Variants in IMMP2L observed in about 807,000 individuals in gnomAD.
IMMP2L encodes the protein inner mitochondrial membrane peptidase subunit 2, also known as mitochondrial inner membrane protease subunit 2.
In IMMP2L, 18 loss-of-function variants were observed where a neutral mutation model predicts 19.3. The ratio of observed to expected loss-of-function variants is 0.93; its 90% CI spans 0.64 to 1.38. The LOEUF (loss-of-function observed/expected upper bound fraction) is 1.38. IMMP2L is among the 40% of genes most tolerant of loss of function. The probability of loss-of-function intolerance (pLI) is 0.00; values close to 1 mark genes in which losing one functional copy is unlikely to be tolerated. For synonymous variants in IMMP2L, 76 were observed against 73.0 expected (o/e 1.04, Z -0.21); for missense variants, 233 against 218.2 (o/e 1.07, Z -0.43).
chr7:110,703,755 T>G (rs184978042), intron 5 of IMMP2L, among the ~76,000 whole-genome samples: 9 of 152,294 alleles, frequency 5.9e-5, no homozygotes, highest in Non-Finnish European at 1.3e-4. Flanking sequence ...ATATAATGAC[T>G]AGGTTTCAAA....
At chr7:111,531,207 G>T (rs920820817) in intron 1 of IMMP2L, among the ~76,000 whole-genome samples, 1 of 151,790 alleles carries the variant, frequency 6.6e-6, no homozygotes, top group Non-Finnish European at 1.5e-5. Flanking sequence ...CGCCCGCCTC[G>T]GCCTCCCAAA....
At chr7:111,224,897 T>A (rs1812912677) in intron 3 of IMMP2L, among the ~76,000 whole-genome samples, 1 of 152,124 alleles carries the variant, frequency 6.6e-6, no homozygotes, top group African/African-American at 2.4e-5. Context: ...AAGAATGTCT[T>A]CGATGAAGGA....
chr7:111,043,940 G>A (rs963244649), intron 3 of IMMP2L, among the ~76,000 whole-genome samples: 1 of 152,184 alleles, frequency 6.6e-6, no homozygotes, highest in Non-Finnish European at 1.5e-5. Flanking sequence ...ATAGGGGTAT[G>A]TAAGAATGTT....
At chr7:110,813,204 A>C (rs544667705) in intron 5 of IMMP2L, among the ~76,000 whole-genome samples, 12 of 152,180 alleles carry the variant, frequency 7.9e-5, no homozygotes, top group African/African-American at 2.6e-4. Context: ...TCTTATTTTT[A>C]TACTTTATTC....
chr7:110,927,666 G>A (rs1433935282), intron 4 of IMMP2L, among the ~76,000 whole-genome samples: 2 of 151,914 alleles, frequency 1.3e-5, no homozygotes, highest in Admixed American at 1.3e-4. Context: ...CAAGGAAACA[G>A]GTTCTCTCCT....
chr7:110,816,394 T>A (rs1481258374), intron 5 of IMMP2L, among the ~76,000 whole-genome samples: 1 of 152,140 alleles, frequency 6.6e-6, no homozygotes, highest in Non-Finnish European at 1.5e-5. Flanking sequence ...AACTATGTGT[T>A]CAAATTTGGA....
chr7:110,964,509 C>T (rs1200404757), intron 3 of IMMP2L, among the ~76,000 whole-genome samples: 1 of 151,992 alleles, frequency 6.6e-6, no homozygotes, highest in African/African-American at 2.4e-5. Context: ...AATAAATTGA[C>T]AGGTTTTGAT....
chr7:111,487,167 G>C, intron 3 of IMMP2L, 71 bp downstream of exon 3: 1 of 689,722 alleles, frequency 1.4e-6, no homozygotes, highest in Non-Finnish European at 2.6e-6. Flanking sequence ...ATTAACAGTG[G>C]ATTACCAGTT....
At chr7:111,116,914 A>G (rs2129585919) in intron 3 of IMMP2L, among the ~76,000 whole-genome samples, 1 of 152,302 alleles carries the variant, frequency 6.6e-6, no homozygotes, top group African/African-American at 2.4e-5. Flanking sequence ...ACTGAGCTTT[A>G]GAGGCAAAAT....
At chr7:110,855,445 T>C (rs986581174) in intron 5 of IMMP2L, among the ~76,000 whole-genome samples, 1 of 151,948 alleles carries the variant, frequency 6.6e-6, no homozygotes, top group African/African-American at 2.4e-5. Flanking sequence ...TGACAATTGT[T>C]TGGACCTGGA....
At chr7:111,322,403 A>T (rs1056429307) in intron 3 of IMMP2L, among the ~76,000 whole-genome samples, 4 of 151,882 alleles carry the variant, frequency 2.6e-5, no homozygotes, top group Non-Finnish European at 5.9e-5. Context: ...GCATAATATC[A>T]GCATAATATT....
intron 3 of IMMP2L, among the ~76,000 whole-genome samples, chr7:111,116,149 C>A (rs1343144029): frequency 6.6e-6 from 1 of 152,142 alleles, no homozygotes; most frequent in Non-Finnish European, 1.5e-5. Flanking sequence ...TCTGAGAGAA[C>A]TTTATTACAA....
At chr7:111,193,003 T>G (rs544877405) in intron 3 of IMMP2L, among the ~76,000 whole-genome samples, 5 of 152,144 alleles carry the variant, frequency 3.3e-5, no homozygotes, top group African/African-American at 9.6e-5. Context: ...CAGCTCTGGA[T>G]GATCCCAGCA....
intron 3 of IMMP2L, among the ~76,000 whole-genome samples, chr7:111,279,460 A>G (rs960782470): frequency 1.4e-4 from 22 of 152,190 alleles, no homozygotes; most frequent in Non-Finnish European, 1.6e-4. Flanking sequence ...AAACAGAAAG[A>G]CAGAGAAGAC....
chr7:111,282,331 G>A (rs1173432382), intron 3 of IMMP2L, among the ~76,000 whole-genome samples: 1 of 152,134 alleles, frequency 6.6e-6, no homozygotes, highest in Non-Finnish European at 1.5e-5. Context: ...TTACAAAAAT[G>A]GAAATTCGGT....
chr7:110,689,960 G>A (rs1320103392), intron 5 of IMMP2L, among the ~76,000 whole-genome samples: 1 of 152,142 alleles, frequency 6.6e-6, no homozygotes, highest in Non-Finnish European at 1.5e-5. Flanking sequence ...TTTCTCATGG[G>A]AGGCTTTTGT....
intron 3 of IMMP2L, among the ~76,000 whole-genome samples, chr7:110,991,017 T>G (rs1248043095): frequency 4.6e-5 from 7 of 152,214 alleles, no homozygotes; most frequent in Non-Finnish European, 7.3e-5. Context: ...TATGAAAATG[T>G]GTGTTTCATA....
chr7:111,106,453 A>G (rs1798557782), intron 3 of IMMP2L, among the ~76,000 whole-genome samples: 1 of 151,914 alleles, frequency 6.6e-6, no homozygotes, highest in Non-Finnish European at 1.5e-5. Flanking sequence ...TAAGAAAAAC[A>G]GTCCAATTAA....
At position 111,488,179 on chromosome 7, in the gene IMMP2L, A is replaced by T. The variant is rs548199891; in HGVS notation, c.136-838T>A. On this transcript the variant is annotated intron_variant, in intron 2 of 5. Transcript: ENST00000405709. ...AGATAGCCTTTTCACTGTTTTTTAA[A>T]TTTTTTTTCATTTTTTATTTCAATA... Among the ~76,000 whole-genome samples, 7 of 152,090 alleles carry T rather than the reference A, an allele frequency of 4.6e-5. No homozygotes were observed. The East Asian group carries it at 5.8e-4, about 13-fold the overall frequency.
Sources: allele counts gnomAD v4.1 joint callset (sites outside exome capture counted in the v4.1 genomes callset), GRCh38; gene constraint gnomAD v4.1.1; transcripts MANE v1.5; gene names NCBI Gene and HGNC (gene_info 2026-07-23, HGNC 2026-07-21).